The following KCNQ3 variants were observed in gnomAD, a reference collection of about 807,000 sequenced individuals.
The protein encoded by KCNQ3 is potassium voltage-gated channel subfamily Q member 3, also known as potassium voltage-gated channel subfamily KQT member 3.
In KCNQ3, 30 loss-of-function variants were observed where a neutral mutation model predicts 92.5. The ratio of observed to expected loss-of-function variants is 0.32; its 90% confidence interval spans 0.24 to 0.44. The LOEUF is 0.44. Among genes scored for constraint, KCNQ3 ranks in the 20% least tolerant of loss-of-function variants. The probability of loss-of-function intolerance (pLI) is 1.00; values close to 1 mark genes in which losing one functional copy is unlikely to be tolerated. For synonymous variants in KCNQ3, 450 were observed against 468.8 expected (o/e 0.96, Z 0.52); for missense variants, 913 against 1,140.3 (o/e 0.80, Z 2.87).
intron 9 of KCNQ3, among the ~76,000 whole-genome samples, chr8:132,148,258 T>A (rs1209632775): frequency 2.0e-5 from 3 of 151,804 alleles, no homozygotes; most frequent in Non-Finnish European, 4.4e-5. Context: ...TTCTTTTTCT[T>A]TTTTTTTTGG....
intron 1 of KCNQ3, among the ~76,000 whole-genome samples, chr8:132,364,790 A>T (rs1184974959): frequency 6.6e-6 from 1 of 152,140 alleles, no homozygotes; most frequent in Admixed American, 6.5e-5. Context: ...GTATGTACTT[A>T]TGCAAATACT....
At chr8:132,294,758 T>A (rs1816966074) in intron 1 of KCNQ3, among the ~76,000 whole-genome samples, 1 of 152,200 alleles carries the variant, frequency 6.6e-6, no homozygotes, top group East Asian at 1.9e-4. Flanking sequence ...GCAAAAGGAA[T>A]ACTTATCATG....
At chr8:132,274,606 T>C (rs1042346695) in intron 1 of KCNQ3, among the ~76,000 whole-genome samples, 1 of 152,234 alleles carries the variant, frequency 6.6e-6, no homozygotes, top group Non-Finnish European at 1.5e-5. Flanking sequence ...TTCTATATTG[T>C]CCATGTTATA....
chr8:132,364,718 T>TGGATGGAC (rs1300804244), intron 1 of KCNQ3, among the ~76,000 whole-genome samples: 2 of 151,414 alleles, frequency 1.3e-5, no homozygotes, highest in African/African-American at 4.9e-5. Context: ...GATGGATGGA[T>TGGATGGAC]GGACGATGAA....
chr8:132,465,426 T>TAA (rs35965901), intron 1 of KCNQ3, among the ~76,000 whole-genome samples: 2 of 151,612 alleles, frequency 1.3e-5, no homozygotes, highest in African/African-American at 2.4e-5. Flanking sequence ...AAAACAATTT[T>TAA]AAAAAAATAG....
At chr8:132,184,481 C>G in intron 2 of KCNQ3, 114 bp from the exon 3 acceptor site, 24 of 968,406 alleles carry the variant, frequency 2.5e-5, no homozygotes, top group East Asian at 8.3e-5. Flanking sequence ...TGCTGGTTGT[C>G]TGGTTGGCAG....
At chr8:132,464,176 C>A (rs147468046) in intron 1 of KCNQ3, among the ~76,000 whole-genome samples, 1 of 152,198 alleles carries the variant, frequency 6.6e-6, no homozygotes, top group East Asian at 1.9e-4. Flanking sequence ...ACCTACTATA[C>A]GCCCATAAGA....
At chr8:132,246,771 C>T (rs777228229) in intron 1 of KCNQ3, among the ~76,000 whole-genome samples, 1 of 152,234 alleles carries the variant, frequency 6.6e-6, no homozygotes, top group Non-Finnish European at 1.5e-5. Context: ...TCTCAGCTCT[C>T]ATCCCAGCAT....
At chr8:132,475,738 A>C (rs537949218) in intron 1 of KCNQ3, among the ~76,000 whole-genome samples, 3 of 152,266 alleles carry the variant, frequency 2.0e-5, no homozygotes, top group Non-Finnish European at 4.4e-5. Context: ...GAAAACTTGT[A>C]GCCTGACCAT....
At chr8:132,210,399 T>C (rs1813811702) in intron 1 of KCNQ3, among the ~76,000 whole-genome samples, 1 of 152,222 alleles carries the variant, frequency 6.6e-6, no homozygotes, top group Non-Finnish European at 1.5e-5. Context: ...TCAGAAAGAA[T>C]GGGGTTTGAA....
intron 1 of KCNQ3, among the ~76,000 whole-genome samples, chr8:132,265,689 T>C (rs975847039): frequency 7.2e-5 from 11 of 152,222 alleles, no homozygotes; most frequent in African/African-American, 2.7e-4. Flanking sequence ...ATTGACGTCA[T>C]AGCACATCAA....
chr8:132,262,997 G>C (rs914695448), intron 1 of KCNQ3, among the ~76,000 whole-genome samples: 1 of 152,088 alleles, frequency 6.6e-6, no homozygotes, highest in African/African-American at 2.4e-5. Flanking sequence ...ATTGAGCAAC[G>C]GTCCCAGATT....
chr8:132,257,523 A>T (rs1322260386), intron 1 of KCNQ3, among the ~76,000 whole-genome samples: 1 of 152,134 alleles, frequency 6.6e-6, no homozygotes, highest in Non-Finnish European at 1.5e-5. Flanking sequence ...AGGCAGGCAG[A>T]TCATGAAGTC....
chr8:132,316,172 C>A (rs1817737055), intron 1 of KCNQ3, among the ~76,000 whole-genome samples: 1 of 152,000 alleles, frequency 6.6e-6, no homozygotes, highest in Non-Finnish European at 1.5e-5. Context: ...TAAATGGGAC[C>A]CTTTTATCCA....
intron 8 of KCNQ3, among the ~76,000 whole-genome samples, chr8:132,165,228 C>T (rs1040265748): frequency 6.6e-6 from 1 of 152,160 alleles, no homozygotes; most frequent in Non-Finnish European, 1.5e-5. Flanking sequence ...GCCAAAGCCC[C>T]AGCCAACTCC....
intron 1 of KCNQ3, among the ~76,000 whole-genome samples, chr8:132,456,044 C>T (rs1258703917): frequency 1.3e-5 from 2 of 152,096 alleles, no homozygotes; most frequent in African/African-American, 2.4e-5. Flanking sequence ...CGTGCCCGGC[C>T]GATGGATACT....
At chr8:132,357,506 T>C (rs1819050411) in intron 1 of KCNQ3, among the ~76,000 whole-genome samples, 2 of 152,194 alleles carry the variant, frequency 1.3e-5, no homozygotes, top group South Asian at 4.1e-4. Context: ...CCTGCACTTG[T>C]GGAATGAGTT....
Position 132,124,173 on chromosome 8 carries a change from A to G in KCNQ3, c.*5089T>C, listed in dbSNP as rs190135405. ...TCTGTTCTTTATTGTGGTAGACAAG[A>G]GCAAGCATTTTTATTTGCAGAGATG... On this transcript the variant is annotated 3_prime_UTR_variant, in exon 15 of 15. Coordinates refer to ENST00000388996, the MANE Select transcript of KCNQ3 (RefSeq NM_004519.4). The G allele has an allele frequency of 6.6e-6, 1 of 152,376 alleles. No homozygotes were observed. The highest frequency in any genetic ancestry group is 1.5e-5 in the Non-Finnish European group (1 of 68,040). 9.4% of individuals were successfully genotyped at this position (152,376 alleles called of 1,614,324 possible).
rs529660947 is a variant in KCNQ3 at position 132,372,757 on chromosome 8, C to T, written c.386+107390G>A. ...CCTGGGCCACAGAGTGAGACTTTGTCTCAAAAAAAAAAAAACAAAAAAAAA... is the reference window on the plus strand; with the variant it reads ...CCTGGGCCACAGAGTGAGACTTTGTTTCAAAAAAAAAAAAACAAAAAAAAA... On this transcript the variant is annotated intron_variant, in intron 1 of 14. Transcript: ENST00000388996. Among the ~76,000 whole-genome samples, 429 of 84,934 alleles carry T rather than the reference C, an allele frequency of 5.1e-3. 3 individuals carry two copies. The highest frequency in any genetic ancestry group is 0.029 in the African/African-American group (363 of 12,600). 55.7% of individuals were successfully genotyped at this position (84,934 alleles called of 152,430 possible). A position where few individuals can be genotyped will look rare whatever the true frequency, so the allele number is the denominator to read the frequency against.
Sources: allele counts gnomAD v4.1 joint callset (sites outside exome capture counted in the v4.1 genomes callset), GRCh38; gene constraint gnomAD v4.1.1; transcripts MANE v1.5; gene names NCBI Gene and HGNC (gene_info 2026-07-23, HGNC 2026-07-21).